The following POU6F2 variants were observed in gnomAD, a reference collection of about 807,000 sequenced individuals.
POU6F2 encodes POU class 6 homeobox 2, also known as POU domain, class 6, transcription factor 2.
Under a neutral mutation model 71.3 loss-of-function variants are expected in POU6F2, and 31 were observed. The observed-to-expected ratio is 0.43, with a 90% CI of 0.33 to 0.59. The LOEUF is 0.59. Among genes scored for constraint, POU6F2 ranks in the 20% least tolerant of loss-of-function variants. The pLI, the probability that POU6F2 is intolerant of heterozygous loss-of-function variation, is 0.04. For missense variants in POU6F2, 783 were observed against 856.8 expected (o/e 0.91, Z 1.07); for synonymous variants, 347 against 355.7 (o/e 0.98, Z 0.27).
chr7:39,169,625 T>C (rs1476246826), intron 2 of POU6F2, among the ~76,000 whole-genome samples: 2 of 152,124 alleles, frequency 1.3e-5, no homozygotes, highest in Non-Finnish European at 2.9e-5. Flanking sequence ...TAAATATACC[T>C]AGAACATTCA....
intron 1 of POU6F2, among the ~76,000 whole-genome samples, chr7:39,051,865 A>T (rs1439810486): frequency 6.6e-6 from 1 of 152,108 alleles, no homozygotes; most frequent in Non-Finnish European, 1.5e-5. Flanking sequence ...GAATCCATTT[A>T]TTCTCTGCTT....
intron 4 of POU6F2, among the ~76,000 whole-genome samples, chr7:39,310,096 C>T (rs1407265944): frequency 6.6e-6 from 1 of 152,068 alleles, no homozygotes; most frequent in Non-Finnish European, 1.5e-5. Context: ...ACTATTGGAG[C>T]CTTAACTCTG....
chr7:39,331,365 AG>A (rs1785644929), intron 4 of POU6F2, among the ~76,000 whole-genome samples: 1 of 152,208 alleles, frequency 6.6e-6, no homozygotes, highest in African/African-American at 2.4e-5. Context: ...TTTTCCACAA[AG>A]GCTGTCTTAG....
intron 1 of POU6F2, among the ~76,000 whole-genome samples, chr7:39,031,592 G>A (rs1490304660): frequency 6.6e-6 from 1 of 151,908 alleles, no homozygotes; most frequent in Non-Finnish European, 1.5e-5. Context: ...TCTTAGCATT[G>A]CACTTGCCAG....
chr7:39,179,880 C>A (rs759320153), intron 2 of POU6F2, among the ~76,000 whole-genome samples: 5 of 152,206 alleles, frequency 3.3e-5, no homozygotes, highest in Non-Finnish European at 4.4e-5. Flanking sequence ...CGTTGTATTT[C>A]ATTTCTCCCA....
At chr7:39,263,684 C>A (rs1396847398) in intron 4 of POU6F2, among the ~76,000 whole-genome samples, 1 of 150,010 alleles carries the variant, frequency 6.7e-6, no homozygotes, top group African/African-American at 2.5e-5. Flanking sequence ...CACACACACA[C>A]ACACAAGTCA....
At chr7:39,165,442 A>C (rs1793094064) in intron 2 of POU6F2, among the ~76,000 whole-genome samples, 2 of 152,226 alleles carry the variant, frequency 1.3e-5, no homozygotes, top group Non-Finnish European at 2.9e-5. Flanking sequence ...CAATAGTGGC[A>C]GTTTCGTTAA....
intron 4 of POU6F2, among the ~76,000 whole-genome samples, chr7:39,303,288 T>C (rs1235076911): frequency 1.3e-5 from 2 of 152,054 alleles, no homozygotes. Context: ...GCTGGGACTA[T>C]AGGCACCCTC....
intron 5 of POU6F2, among the ~76,000 whole-genome samples, chr7:39,377,721 AAC>A (rs762318884): frequency 6.8e-6 from 1 of 146,092 alleles, no homozygotes; most frequent in African/African-American, 2.5e-5. Context: ...TAAGACCTGA[AAC>A]ATGTAGGTTT....
chr7:39,445,022 A>G (rs1264877826), intron 7 of POU6F2, among the ~76,000 whole-genome samples: 4 of 152,218 alleles, frequency 2.6e-5, no homozygotes, highest in African/African-American at 9.6e-5. Context: ...ACCATCCATG[A>G]AGGCACTCAA....
chr7:39,180,130 T>A (rs1029027483), intron 2 of POU6F2, among the ~76,000 whole-genome samples: 2 of 152,156 alleles, frequency 1.3e-5, no homozygotes, highest in African/African-American at 4.8e-5. Context: ...AAATTGGCTG[T>A]TATTCCAATG....
At chr7:39,034,450 A>G in intron 1 of POU6F2, 1 of 428,042 alleles carries the variant, frequency 2.3e-6, no homozygotes, top group Non-Finnish European at 4.8e-6. Flanking sequence ...GAGCAGTTCT[A>G]GAATACTTTA....
At chr7:39,401,180 TA>T (rs1253240819) in intron 5 of POU6F2, among the ~76,000 whole-genome samples, 1 of 152,178 alleles carries the variant, frequency 6.6e-6, no homozygotes, top group South Asian at 2.1e-4. Flanking sequence ...AAAGGTATTT[TA>T]GGATGTTGCA....
At chr7:39,139,942 T>A (rs1300664438) in intron 2 of POU6F2, among the ~76,000 whole-genome samples, 1 of 152,206 alleles carries the variant, frequency 6.6e-6, no homozygotes, top group Non-Finnish European at 1.5e-5. Context: ...TAGATGTCAA[T>A]GCCATTTTTA....
intron 2 of POU6F2, among the ~76,000 whole-genome samples, chr7:39,177,521 T>C (rs1793354876): frequency 6.6e-6 from 1 of 152,222 alleles, no homozygotes; most frequent in African/African-American, 2.4e-5. Context: ...CCTTCTGAGA[T>C]GTAAAGTTTA....
At chr7:39,338,937 T>G (rs1447861038) in intron 4 of POU6F2, among the ~76,000 whole-genome samples, 1 of 152,238 alleles carries the variant, frequency 6.6e-6, no homozygotes, top group African/African-American at 2.4e-5. Flanking sequence ...CAGGTGCTGA[T>G]GTCTAATCAC....
At chr7:39,158,696 T>C (rs776858485) in intron 2 of POU6F2, among the ~76,000 whole-genome samples, 10 of 152,146 alleles carry the variant, frequency 6.6e-5, no homozygotes, top group Non-Finnish European at 1.3e-4. Context: ...GTCTTTTTGT[T>C]CTATTCAGGC....
intron 5 of POU6F2, among the ~76,000 whole-genome samples, chr7:39,360,512 C>A (rs901578937): frequency 2.6e-5 from 4 of 152,122 alleles, no homozygotes; most frequent in Non-Finnish European, 5.9e-5. Context: ...GGCTTTCTAC[C>A]GCTACCCTGT....
At chr7:39,372,749 A>G (rs1293859660) in intron 5 of POU6F2, among the ~76,000 whole-genome samples, 1 of 152,208 alleles carries the variant, frequency 6.6e-6, no homozygotes, top group Non-Finnish European at 1.5e-5. Flanking sequence ...ACATCATTAG[A>G]GTACAAACTT....
Sources: allele counts gnomAD v4.1 joint callset (sites outside exome capture counted in the v4.1 genomes callset), GRCh38; gene constraint gnomAD v4.1.1; transcripts MANE v1.5; gene names NCBI Gene and HGNC (gene_info 2026-07-23, HGNC 2026-07-21).